The following RCAN3 variants were observed in gnomAD, a reference collection of about 807,000 sequenced individuals.
The protein encoded by RCAN3 is calcipressin-3.
Under a neutral mutation model 21.9 loss-of-function variants are expected in RCAN3, and 19 were observed. That is an observed-to-expected ratio of 0.87 (90% CI 0.61 to 1.27). The LOEUF (loss-of-function observed/expected upper bound fraction) is 1.27, where lower values mean the gene tolerates loss of function less well. RCAN3 is among the 50% of genes most tolerant of loss of function. RCAN3 has a pLI of 0.00. For synonymous variants in RCAN3, 114 were observed against 112.3 expected, an observed-to-expected ratio of 1.01 and a Z score of -0.09; for missense variants, 240 against 300.1, an observed-to-expected ratio of 0.80 and a Z score of 1.48.
chr1:24,518,234 A>T (rs929702381), intron 2 of RCAN3, among the ~76,000 whole-genome samples: 5 of 152,150 alleles, frequency 3.3e-5, no homozygotes, highest in Non-Finnish European at 5.9e-5. Context: ...GTAAGCTTTT[A>T]CATTCTTCCG....
chr1:24,505,173 C>T (rs80007720), intron 1 of RCAN3, among the ~76,000 whole-genome samples: 9,815 of 147,482 alleles, frequency 0.067, 435 homozygotes, highest in East Asian at 0.27. Flanking sequence ...TTCAGAACTT[C>T]GCATTGACGA....
intron 2 of RCAN3, among the ~76,000 whole-genome samples, chr1:24,530,797 G>A (rs1213519766): frequency 1.3e-5 from 2 of 152,162 alleles, no homozygotes; most frequent in African/African-American, 4.8e-5. Context: ...GATCACTTGA[G>A]GTCAGGAGTT....
rs1366359112 is a variant in RCAN3 at position 24,525,723 on chromosome 1, C to G, written c.196-5495C>G. 6.6e-6 allele frequency among the ~76,000 whole-genome samples: 1 copy of G among 152,134 alleles called. No individual in the cohort carries two copies. Among genetic ancestry groups the G allele is most frequent in the South Asian group, 2.1e-4 (1 of 4,832 alleles). ...AGCTGCAGATCCTTCCTGTTTATCG[C>G]AAGTCATTTTCAGTCCATTTTCATA... On this transcript the variant is annotated intron_variant, in intron 2 of 4. Transcript: ENST00000374395. This position sits in a 1 kb window ranked among gnomAD's most constrained non-coding sequence, Gnocchi z 4.1.
Position 24,540,947 on chromosome 1 carries a change from G to T in RCAN3, c.*5670G>T, listed in dbSNP as rs1420584595. Reference sequence around the variant, plus strand: ...TTGTCCTATCAAGATGACAAAAGCAGAATGTAATTTTTTTTTGGAAGCTTC... The same window carrying T: ...TTGTCCTATCAAGATGACAAAAGCATAATGTAATTTTTTTTTGGAAGCTTC... On this transcript the variant is annotated 3_prime_UTR_variant, in exon 5 of 5. Coordinates refer to ENST00000374395, the MANE Select transcript of RCAN3 (RefSeq NM_013441.4). 1 of 152,174 alleles carries T rather than the reference G, an allele frequency of 6.6e-6. No homozygotes were observed. The highest frequency in any genetic ancestry group is 1.5e-5 in the Non-Finnish European group (1 of 68,028). The allele number at this position is 152,174 out of a possible 1,614,324, so 9.4% of individuals were successfully genotyped here.
intron 4 of RCAN3, among the ~76,000 whole-genome samples, chr1:24,533,626 C>T (rs376117867): frequency 1.3e-4 from 20 of 152,192 alleles, no homozygotes; most frequent in African/African-American, 4.3e-4. Context: ...ATGGGGAAAC[C>T]CCGTCTCTAC....
At chr1:24,523,633 C>T (rs1339995997) in intron 2 of RCAN3, among the ~76,000 whole-genome samples, 6,142 of 137,776 alleles carry the variant, frequency 0.045, 447 homozygotes, top group African/African-American at 0.18. Flanking sequence ...CACACACACA[C>T]ACACACACAT....
chr1:24,506,574 A>C (rs947656976), intron 1 of RCAN3, among the ~76,000 whole-genome samples: 1 of 152,132 alleles, frequency 6.6e-6, no homozygotes, highest in African/African-American at 2.4e-5. Context: ...TGTCTATAAA[A>C]ATAGAGAAAG....
At chr1:24,526,427 C>T (rs196413) in intron 2 of RCAN3, among the ~76,000 whole-genome samples, 70,153 of 151,518 alleles carry the variant, frequency 0.46, 16,560 homozygotes, top group East Asian at 0.73. Flanking sequence ...GAGAGAGCGC[C>T]GTATAACCCA....
chr1:24,505,175 C>T lies in RCAN3; in HGVS notation c.-60+2025C>T, dbSNP rs1213995349. Among the ~76,000 whole-genome samples the T allele has an allele frequency of 2.0e-5, 3 of 148,008 alleles. 1 individual carries two copies. The highest frequency in any genetic ancestry group is 4.4e-5 in the Non-Finnish European group (3 of 67,440). ...TTCGTGATAGCCGTTCAGAACTTCG[C>T]ATTGACGATCCTAAGTGGCTTTTTG... On this transcript the variant is annotated intron_variant, in intron 1 of 4. Coordinates refer to ENST00000374395, the MANE Select transcript of RCAN3 (RefSeq NM_013441.4).
chr1:24,514,757 T>G (rs1333348956), intron 2 of RCAN3, among the ~76,000 whole-genome samples, 190 bp downstream of exon 2: 3 of 151,740 alleles, frequency 2.0e-5, no homozygotes, highest in Non-Finnish European at 4.4e-5. Context: ...TCACCTGAGG[T>G]CAGGAGTTCA....
chr1:24,532,744 C>G (rs902975070), intron 3 of RCAN3, among the ~76,000 whole-genome samples: 9 of 150,306 alleles, frequency 6.0e-5, no homozygotes, highest in Non-Finnish European at 1.2e-4. Context: ...GTCAGGAGAT[C>G]GAGACCATCC....
chr1:24,511,496 C>T (rs756671313), intron 1 of RCAN3, among the ~76,000 whole-genome samples: 6 of 152,102 alleles, frequency 3.9e-5, no homozygotes, highest in Non-Finnish European at 7.4e-5. Flanking sequence ...ACCCACAACA[C>T]GTATTGATTA....
chr1:24,532,187 T>C (rs867535152), intron 3 of RCAN3, among the ~76,000 whole-genome samples: 4 of 152,028 alleles, frequency 2.6e-5, no homozygotes, highest in African/African-American at 9.7e-5. Flanking sequence ...TTGCTGTCGT[T>C]CATTTCTCTC....
At chr1:24,506,669 A>G (rs1647463117) in intron 1 of RCAN3, among the ~76,000 whole-genome samples, 1 of 149,616 alleles carries the variant, frequency 6.7e-6, no homozygotes, top group Non-Finnish European at 1.5e-5. Context: ...TATTCTTATA[A>G]CTTCTGTTTG....
intron 4 of RCAN3, 49 bp downstream of exon 4, chr1:24,533,303 T>C (rs776444541): frequency 4.2e-6 from 6 of 1,419,478 alleles, no homozygotes; most frequent in African/African-American, 1.5e-5. Context: ...AACTTTTGTA[T>C]TGAAGATCGT....
At chr1:24,534,262 C>T (rs1401991743) in intron 4 of RCAN3, among the ~76,000 whole-genome samples, 1 of 152,128 alleles carries the variant, frequency 6.6e-6, no homozygotes, top group Non-Finnish European at 1.5e-5. Context: ...AGTGCCTATG[C>T]TGCCTGGATC....
chr1:24,504,280 A>G (rs1005730773), intron 1 of RCAN3, among the ~76,000 whole-genome samples: 2 of 152,184 alleles, frequency 1.3e-5, no homozygotes, highest in African/African-American at 2.4e-5. Flanking sequence ...TCAACTTCCC[A>G]GGATCAAGCG....
Position 24,535,970 on chromosome 1 carries a change from G to A in RCAN3, c.*693G>A, listed in dbSNP as rs909199421. The A allele has an allele frequency of 5.3e-5, 8 of 151,992 alleles. No individual in the cohort carries two copies. Among genetic ancestry groups the A allele is most frequent in the Non-Finnish European group, 1.0e-4 (7 of 68,028 alleles). 9.4% of individuals were successfully genotyped at this position (151,992 alleles called of 1,614,324 possible). A position where few individuals can be genotyped will look rare whatever the true frequency, so the allele number is the denominator to read the frequency against. On this transcript the variant is annotated 3_prime_UTR_variant, in exon 5 of 5. Coordinates refer to ENST00000374395, the MANE Select transcript of RCAN3 (RefSeq NM_013441.4). ...CACAGGCCCTCATTCCTGATGTGGC[G>A]CCCTCCAGACATGGCTGCCCAGGAA...
intron 1 of RCAN3, among the ~76,000 whole-genome samples, chr1:24,512,821 A>G (rs191050119): frequency 4.5e-4 from 69 of 152,316 alleles, no homozygotes; most frequent in African/African-American, 1.6e-3. Flanking sequence ...TGTGATGTGC[A>G]CTTCATTGGA....
Sources: gnomAD v4.1 joint callset for allele counts (sites outside exome capture counted in the v4.1 genomes callset) on GRCh38, gnomAD v4.1.1 for gene constraint, Gnocchi (gnomAD v3.1) non-coding constraint, MANE v1.5 for transcripts, NCBI Gene and HGNC (gene_info 2026-07-23, HGNC 2026-07-21) for gene names.